EFNA2: variants seen among roughly 807,000 people sequenced by gnomAD.
EFNA2 encodes the protein ephrin-A2.
EFNA2 carries 18 observed loss-of-function variants against 19.7 expected under a neutral mutation model. The observed-to-expected ratio is 0.91, with a 90% confidence interval of 0.63 to 1.35. The LOEUF (loss-of-function observed/expected upper bound fraction) is 1.35. EFNA2 is among the 40% of genes most tolerant of loss of function. EFNA2 has a pLI of 0.00. For missense variants in EFNA2, 303 were observed against 296.0 expected, an observed-to-expected ratio of 1.02 and a Z score of -0.17; for synonymous variants, 187 against 137.8, an observed-to-expected ratio of 1.36 and a Z score of -2.50.
At position 1,296,930 on chromosome 19, in the gene EFNA2, C is replaced by A. The variant is rs2081518602; in HGVS notation, c.454+1072C>A. ...CTGCTTATCGGAGGTCCGAAGCTGG[C>A]CTTTTTGTCCCTACGAAAGGCCAAC... On this transcript the variant is annotated intron_variant, in intron 2 of 3. Transcript: ENST00000215368. This position sits in a 1 kb window ranked among gnomAD's most constrained non-coding sequence, Gnocchi z 4.4. 6.6e-6 allele frequency among the ~76,000 whole-genome samples: 1 copy of A among 152,242 alleles called. No homozygotes were observed. The highest frequency in any genetic ancestry group is 1.5e-5 in the Non-Finnish European group (1 of 68,042).
chr19:1,299,722 G>A (rs1600062727), intron 3 of EFNA2, 102 bp from the exon 4 acceptor site: 2 of 1,436,694 alleles, frequency 1.4e-6, no homozygotes, highest in East Asian at 2.6e-5. Flanking sequence ...CTGGTGGGGT[G>A]ATGAGCCCGT....
chr19:1,289,656 G>A (rs567737994), intron 1 of EFNA2, among the ~76,000 whole-genome samples: 3 of 152,336 alleles, frequency 2.0e-5, no homozygotes, highest in South Asian at 2.1e-4. Flanking sequence ...TCTGGGCTTC[G>A]GCCACCCTCC....
chr19:1,298,648 G>A (rs1453160191), intron 3 of EFNA2, 32 bp downstream of exon 3: 18 of 1,610,328 alleles, frequency 1.1e-5, no homozygotes, highest in Non-Finnish European at 1.5e-5. Flanking sequence ...CAGGATCCAG[G>A]CCCCCACCCC....
In EFNA2 at chr19:1,286,505, C is replaced by T. The variant is rs765397895; in HGVS notation, c.140+197C>T. 2.0e-4 allele frequency among the ~76,000 whole-genome samples: 30 copies of T among 151,892 alleles called. No individual in the cohort carries two copies. Among genetic ancestry groups the T allele is most frequent in the Non-Finnish European group, 3.7e-4 (25 of 67,898 alleles). ...GGGGGACTCGCCCTTTTCGCGCCTG[C>T]CTTCCCCGGGGCGCCCCATTGCCCT... On this transcript the variant is annotated intron_variant, in intron 1 of 3. Coordinates refer to ENST00000215368, the MANE Select transcript of EFNA2 (RefSeq NM_001405.4). The surrounding 1 kb of genome is among the most constrained non-coding windows in gnomAD (Gnocchi z 5.6).
intron 3 of EFNA2, among the ~76,000 whole-genome samples, chr19:1,299,360 C>T (rs547525227): frequency 4.6e-5 from 7 of 152,166 alleles, no homozygotes; most frequent in African/African-American, 1.7e-4. Context: ...AGATGGAGAC[C>T]GTCCTGGCCA....
Position 1,296,223 on chromosome 19 carries a change from G to A in EFNA2, c.454+365G>A, listed in dbSNP as rs2081515084. On this transcript the variant is annotated intron_variant, in intron 2 of 3. Coordinates refer to ENST00000215368, the MANE Select transcript of EFNA2 (RefSeq NM_001405.4). The surrounding 1 kb of genome is among the most constrained non-coding windows in gnomAD (Gnocchi z 4.4). ...TGAGGCTTGGAGGGGGACTGAGGCTGCACTATTGTGATCTCGGGCCTCCAG... is the reference window on the plus strand; with the variant it reads ...TGAGGCTTGGAGGGGGACTGAGGCTACACTATTGTGATCTCGGGCCTCCAG... 6.6e-6 allele frequency among the ~76,000 whole-genome samples: 1 copy of A among 152,214 alleles called. No homozygotes were observed. Among genetic ancestry groups the A allele is most frequent in the Non-Finnish European group, 1.5e-5 (1 of 68,026 alleles).
At position 1,298,536 on chromosome 19, in the gene EFNA2, T is replaced by A; in HGVS notation, c.455-15T>A. ...AGAGGCACTTCCCCACTCATCCCCA[T>A]CCCCTCTCTTCTAGCTGCCACGCCT... On this transcript the variant is annotated splice_polypyrimidine_tract_variant and intron_variant, in intron 2 of 3. Coordinates refer to ENST00000215368, the MANE Select transcript of EFNA2 (RefSeq NM_001405.4). The A allele has an allele frequency of 6.2e-7, 1 of 1,613,426 alleles. No individual in the cohort carries two copies. The highest frequency in any genetic ancestry group is 8.5e-7 in the Non-Finnish European group (1 of 1,179,776).
Position 1,287,706 on chromosome 19 carries a change from G to C in EFNA2, c.140+1398G>C, listed in dbSNP as rs917566846. Among the ~76,000 whole-genome samples, 1 of 152,094 alleles carries C rather than the reference G, an allele frequency of 6.6e-6. No homozygotes were observed. Among genetic ancestry groups the C allele is most frequent in the Admixed American group, 6.5e-5 (1 of 15,282 alleles). On this transcript the variant is annotated intron_variant, in intron 1 of 3. Transcript: ENST00000215368. The surrounding 1 kb of genome is among the most constrained non-coding windows in gnomAD (Gnocchi z 6.2). ...CTGGCCCACCTCAGAGCGGGTCCCCGAGCCGCCCGCTGTGCTGGTCACATG... is the reference window on the plus strand; with the variant it reads ...CTGGCCCACCTCAGAGCGGGTCCCCCAGCCGCCCGCTGTGCTGGTCACATG...
intron 2 of EFNA2, 148 bp from the exon 3 acceptor site, chr19:1,298,403 G>A: frequency 1.4e-6 from 1 of 696,930 alleles, no homozygotes; most frequent in Non-Finnish European, 2.5e-6. Context: ...ATTGTGTCTG[G>A]GGCTTTGATG....
chr19:1,288,945 C>T (rs2081478796), intron 1 of EFNA2, among the ~76,000 whole-genome samples: 6 of 152,196 alleles, frequency 3.9e-5, no homozygotes, highest in Admixed American at 3.9e-4. Context: ...GGGCTTGGAC[C>T]TGGCCGGCTG....
upstream of EFNA2, among the ~76,000 whole-genome samples, chr19:1,284,797 G>T (rs1011594753): frequency 3.3e-5 from 5 of 152,240 alleles, no homozygotes; most frequent in African/African-American, 1.2e-4. The surrounding 1 kb of genome is among the most constrained non-coding windows in gnomAD (Gnocchi z 5.3). Flanking sequence ...TTGCCCTGCA[G>T]TTCCCTCTCC....
Position 1,295,455 on chromosome 19 carries a change from T to TG in EFNA2, c.141-89dup, listed in dbSNP as rs990136061. On this transcript the variant is annotated intron_variant, in intron 1 of 3. Coordinates refer to ENST00000215368, the MANE Select transcript of EFNA2 (RefSeq NM_001405.4). The surrounding 1 kb of genome is among the most constrained non-coding windows in gnomAD (Gnocchi z 5.8). ...CACCCCGACCCGTCCCTCGTGCTCC[T>TG]GTCCCCTGACCCTGGCCCTCCCCGC... 3.3e-5 allele frequency: 44 copies of TG among 1,315,504 alleles called. No individual in the cohort carries two copies. Among genetic ancestry groups the TG allele is most frequent in the Non-Finnish European group, 4.2e-5 (42 of 1,003,220 alleles). 81.5% of individuals were successfully genotyped at this position (1,315,504 alleles called of 1,614,324 possible).
chr19:1,289,582 A>G (rs1225481716), intron 1 of EFNA2, among the ~76,000 whole-genome samples: 1 of 152,116 alleles, frequency 6.6e-6, no homozygotes, highest in Non-Finnish European at 1.5e-5. Flanking sequence ...GGGAGTCCCC[A>G]CCTTCTGATT....
chr19:1,286,230 C>A lies in EFNA2; in HGVS notation c.62C>A (p.Pro21Gln). Reference protein sequence around the residue: ...LLLLLLPLPPPPFARAEDAAR... With the variant: ...LLLLLLPLPPQPFARAEDAAR... ...CTCCTGCTGTTACCGCTGCCGCCGC[C>A]GCCCTTCGCGCGCGCCGAGGACGCC... The change falls in exon 1 of 4, where the codon CCG becomes CAG. Residue 21 changes from proline to glutamine, a missense_variant. Physicochemically the swap from Pro to Gln is moderately conservative, Grantham distance 76. Transcript: ENST00000215368. This position sits in a 1 kb window ranked among gnomAD's most constrained non-coding sequence, Gnocchi z 5.6. The A allele has an allele frequency of 1.8e-6, 2 of 1,124,862 alleles. No individual in the cohort carries two copies. The highest frequency in any genetic ancestry group is 2.2e-6 in the Non-Finnish European group (2 of 905,746). 69.7% of individuals were successfully genotyped at this position (1,124,862 alleles called of 1,614,324 possible).
chr19:1,286,248 A>T lies in EFNA2; in HGVS notation c.80A>T (p.Glu27Val). The T allele has an allele frequency of 8.9e-7, 1 of 1,126,434 alleles. No individual in the cohort carries two copies. Among genetic ancestry groups the T allele is most frequent in the Non-Finnish European group, 1.1e-6 (1 of 906,466 alleles). 69.8% of individuals were successfully genotyped at this position (1,126,434 alleles called of 1,614,324 possible). ...PLPPPPFARA[E>V]DAARANSDRY... ...CCGCCGCCGCCCTTCGCGCGCGCCG[A>T]GGACGCCGCCCGCGCCAACTCGGAC... Residue 27 changes from glutamate to valine, a missense_variant, in exon 1 of 4, where the codon GAG (glutamate) becomes GTG (valine). Transcript: ENST00000215368. The surrounding 1 kb of genome is among the most constrained non-coding windows in gnomAD (Gnocchi z 5.6).
intron 2 of EFNA2, among the ~76,000 whole-genome samples, chr19:1,298,280 C>T (rs1310549366): frequency 6.6e-6 from 1 of 151,966 alleles, no homozygotes; most frequent in African/African-American, 2.4e-5. Context: ...CTGTGCTGCC[C>T]TGGGGTGAGG....
rs961457442 is a variant in EFNA2, at chr19:1,295,524, C to T, written c.141-21C>T. ...CGTTCCTCGCTCCGGGCGCTGACCT[C>T]TGGCCGCCTTGTCCCCGCAGGTTCC... On this transcript the variant is annotated intron_variant, in intron 1 of 3. Coordinates refer to ENST00000215368, the MANE Select transcript of EFNA2 (RefSeq NM_001405.4). This position sits in a 1 kb window ranked among gnomAD's most constrained non-coding sequence, Gnocchi z 5.8. 6.4e-7 allele frequency: 1 copy of T among 1,552,936 alleles called. No individual in the cohort carries two copies. The highest frequency in any genetic ancestry group is 8.7e-7 in the Non-Finnish European group (1 of 1,152,080).
chr19:1,290,786 G>GCCCAC (rs961803374), intron 1 of EFNA2, among the ~76,000 whole-genome samples: 9 of 152,210 alleles, frequency 5.9e-5, no homozygotes, highest in Admixed American at 5.9e-4. Context: ...CCGTCCCTGT[G>GCCCAC]CCCACCGTCC....
Position 1,286,227 on chromosome 19 carries a change from C to G in EFNA2, c.59C>G (p.Pro20Arg). The G allele has an allele frequency of 8.9e-7, 1 of 1,123,218 alleles. No individual in the cohort carries two copies. Among genetic ancestry groups the G allele is most frequent in the Non-Finnish European group, 1.1e-6 (1 of 904,940 alleles). The allele number at this position is 1,123,218 out of a possible 1,614,324, so 69.6% of individuals were successfully genotyped here. A position where few individuals can be genotyped will look rare whatever the true frequency, so the allele number is the denominator to read the frequency against. The stretch of plus-strand genomic sequence containing the variant: ...CTGCTCCTGCTGTTACCGCTGCCGC[C>G]GCCGCCCTTCGCGCGCGCCGAGGAC... ...PLLLLLLPLP[P>R]PPFARAEDAA... The change falls in exon 1 of 4, where the codon CCG becomes CGG. Residue 20 changes from proline (P) to arginine (R), a missense_variant. By Grantham distance (103) the Pro-to-Arg change is moderately radical (BLOSUM62 -2). Transcript: ENST00000215368. The surrounding 1 kb of genome is among the most constrained non-coding windows in gnomAD (Gnocchi z 5.6).
Sources: gnomAD v4.1 joint callset for allele counts (sites outside exome capture counted in the v4.1 genomes callset) on GRCh38, gnomAD v4.1.1 for gene constraint, Gnocchi (gnomAD v3.1) non-coding constraint, MANE v1.5 for transcripts, NCBI Gene and HGNC (gene_info 2026-07-23, HGNC 2026-07-21) for gene names.